The following PRRC2B variants were observed in gnomAD, a reference collection of about 807,000 sequenced individuals.
PRRC2B encodes protein PRRC2B.
Under a neutral mutation model 242.3 loss-of-function variants are expected in PRRC2B, and 68 were observed. The ratio of observed to expected loss-of-function variants is 0.28; its 90% CI spans 0.23 to 0.34. PRRC2B has a LOEUF of 0.34. Ranked by LOEUF, PRRC2B falls within the 10% of genes least tolerant of loss-of-function variation. PRRC2B has a pLI of 1.00. For synonymous variants in PRRC2B, 1,228 were observed against 1,173.6 expected (o/e 1.05, Z -0.95); for missense variants, 2,835 against 2,954.8 (o/e 0.96, Z 0.94).
intron 14 of PRRC2B, among the ~76,000 whole-genome samples, chr9:131,472,246 T>C (rs1030112568): frequency 1.3e-4 from 20 of 152,224 alleles, no homozygotes; most frequent in Admixed American, 6.5e-5. Flanking sequence ...TTTACCACTC[T>C]GAAAGTCTAT....
At chr9:131,405,753 G>A (rs549969720) in intron 1 of PRRC2B, among the ~76,000 whole-genome samples, 63 of 152,258 alleles carry the variant, frequency 4.1e-4, no homozygotes, top group African/African-American at 1.5e-3. Context: ...TTCAGAGAGA[G>A]CTCGCTGGGA....
intron 1 of PRRC2B, among the ~76,000 whole-genome samples, chr9:131,420,876 G>C (rs957605205): frequency 2.0e-5 from 3 of 152,064 alleles, no homozygotes; most frequent in Non-Finnish European, 4.4e-5. Flanking sequence ...TGAGGCAGCA[G>C]AAGTGTCCCC....
Position 131,459,282 on chromosome 9 carries a change from G to C in PRRC2B, c.1330G>C (p.Val444Leu), listed in dbSNP as rs1355111865. 7 of 1,613,976 alleles carry C rather than the reference G, an allele frequency of 4.3e-6. No homozygotes were observed. The highest frequency in any genetic ancestry group is 5.1e-6 in the Non-Finnish European group (6 of 1,179,882). ...GGCTGAAGCAGTGGGTGCGTCCCGT[G>C]TGGTCCGAAAGGCGCCAGACCCTCA... is the stretch of plus-strand genomic sequence containing the variant. ...DWAEAVGASR[V>L]VRKAPDPQPP... Residue 444 changes from valine (V) to leucine (L), a missense_variant, in exon 11 of 32, where the codon GTG (valine) becomes CTG (leucine). Val to Leu is a conservative substitution (Grantham distance 32, BLOSUM62 1). Transcript: ENST00000683519.
intron 28 of PRRC2B, chr9:131,490,824 T>C (rs1264956398): frequency 3.2e-6 from 1 of 308,906 alleles, no homozygotes. Flanking sequence ...ATACGTCCGA[T>C]GCAGCTTTCA....
Position 131,470,960 on chromosome 9 carries a change from A to T in PRRC2B, c.2084A>T (p.Tyr695Phe). 1.9e-6 allele frequency: 3 copies of T among 1,609,040 alleles called. No individual in the cohort carries two copies. Among genetic ancestry groups the T allele is most frequent in the Non-Finnish European group, 2.5e-6 (3 of 1,177,934 alleles). ...CCCACTCGGACCCCGGTGGACTTCT[A>T]CCCCTCCGCCCTGCATCCCTCAGGT... ...ITPTRTPVDF[Y>F]PSALHPSGLM... The change falls in exon 14 of 32, where the codon TAC (tyrosine) becomes TTC (phenylalanine). Residue 695 changes from tyrosine (Y) to phenylalanine (F), a missense_variant. By Grantham distance (22) the Tyr-to-Phe change is conservative (BLOSUM62 3). Around this residue, in one of 7 missense-constraint regions of PRRC2B, gnomAD observed 1,536 missense variants for 1,483.1 expected, o/e 1.04. Transcript: ENST00000683519.
intron 1 of PRRC2B, among the ~76,000 whole-genome samples, chr9:131,406,313 G>A (rs937048190): frequency 1.2e-4 from 18 of 152,212 alleles, no homozygotes; most frequent in Admixed American, 1.0e-3. Flanking sequence ...TCTCCACAAT[G>A]AACACCACTG....
At chr9:131,447,458 A>T (rs775505805) in intron 8 of PRRC2B, among the ~76,000 whole-genome samples, 11 of 152,134 alleles carry the variant, frequency 7.2e-5, no homozygotes, top group Non-Finnish European at 1.3e-4. Flanking sequence ...GGCCTTAGCA[A>T]CCAGCATGTA....
chr9:131,430,527 A>C (rs1030491942), intron 2 of PRRC2B, among the ~76,000 whole-genome samples: 3 of 121,942 alleles, frequency 2.5e-5, no homozygotes, highest in Non-Finnish European at 3.6e-5. Context: ...AGATAGATAG[A>C]TATCTATCTA....
chr9:131,379,725 A>G (rs1836731869), intron 1 of PRRC2B, among the ~76,000 whole-genome samples: 1 of 142,230 alleles, frequency 7.0e-6, no homozygotes, highest in African/African-American at 2.6e-5. Context: ...TCCTGGGTTT[A>G]AGCAATTCTC....
At position 131,475,466 on chromosome 9, in the gene PRRC2B, C is replaced by T. The variant is rs1477876456; in HGVS notation, c.3337C>T (p.Arg1113Ter). ...SQRSGRGRGL[R>*]EFARPEDCPR... ...GCGCAGCGGCCGTGGCCGGGGCCTG[C>T]GAGAGTTTGCGCGGCCAGAGGACTG... Residue 1113 changes from arginine to a stop codon, truncating the protein, a stop_gained, in exon 16 of 32, where the codon CGA (arginine) becomes TGA (stop). Coordinates refer to ENST00000683519, the MANE Select transcript of PRRC2B (RefSeq NM_013318.4). LOFTEE classifies it high-confidence loss of function. 4 of 1,587,416 alleles carry T rather than the reference C, an allele frequency of 2.5e-6. No homozygotes were observed. Among genetic ancestry groups the T allele is most frequent in the Admixed American group, 1.8e-5 (1 of 55,968 alleles).
At chr9:131,453,670 T>C (rs1279056276) in intron 9 of PRRC2B, among the ~76,000 whole-genome samples, 1 of 152,178 alleles carries the variant, frequency 6.6e-6, no homozygotes, top group Admixed American at 6.5e-5. Context: ...TAGCTGGGAC[T>C]ACAGGTGTGC....
intron 1 of PRRC2B, among the ~76,000 whole-genome samples, chr9:131,423,536 T>TG (rs1490266261): frequency 6.6e-6 from 1 of 152,238 alleles, no homozygotes; most frequent in African/African-American, 2.4e-5. Context: ...AGCCGGTCAG[T>TG]GGAGATCCCT....
At chr9:131,451,010 A>T (rs1390203851) in intron 9 of PRRC2B, among the ~76,000 whole-genome samples, 1 of 152,194 alleles carries the variant, frequency 6.6e-6, no homozygotes, top group East Asian at 1.9e-4. Context: ...TGTTAAATTT[A>T]TTCTCAGGCA....
chr9:131,432,666 G>A lies in PRRC2B; in HGVS notation c.165G>A (p.Arg55=), dbSNP rs555679524. 8.1e-6 allele frequency: 13 copies of A among 1,614,044 alleles called. No homozygotes were observed. The South Asian group carries it at 1.4e-4, about 18-fold the overall frequency. Residue 55 remains arginine, a synonymous_variant, in exon 3 of 32, where the codon CGG becomes CGA. Coordinates refer to ENST00000683519, the MANE Select transcript of PRRC2B (RefSeq NM_013318.4). The part of the protein sequence containing the change: ...LQSLGKVAAA[R]RMPPPANLPS... ...GTCTTGGGAAAGTTGCTGCAGCCCG[G>A]CGCATGCCACCGCCTGCAAACCTGC...
intron 8 of PRRC2B, 145 bp from the exon 9 acceptor site, chr9:131,447,517 C>T (rs1425430417): frequency 5.4e-6 from 5 of 929,566 alleles, no homozygotes; most frequent in Admixed American, 3.0e-5. Flanking sequence ...CTCGTTTGCT[C>T]ATTATATATT....
At chr9:131,433,043 C>T (rs180946053) in intron 3 of PRRC2B, among the ~76,000 whole-genome samples, 461 of 152,320 alleles carry the variant, frequency 3.0e-3, no homozygotes, top group Non-Finnish European at 4.5e-3. Context: ...CTGTGGACAA[C>T]CTTGTCCCCA....
rs748227471 is a variant in PRRC2B, at chr9:131,475,122, C to T, written c.2993C>T (p.Ser998Phe). The change falls in exon 16 of 32, where the codon TCC (serine) becomes TTC (phenylalanine). Residue 998 changes from serine to phenylalanine, a missense_variant. Physicochemically the swap from Ser to Phe is radical, Grantham distance 155. Coordinates refer to ENST00000683519, the MANE Select transcript of PRRC2B (RefSeq NM_013318.4). ...GAGAACGATGCCTCTCTGGCCAACT[C>T]CTCCACCACCACTTTGGAGGACAAA... ...DEENDASLAN[S>F]STTTLEDKGP... 12 of 1,612,128 alleles carry T rather than the reference C, an allele frequency of 7.4e-6. No homozygotes were observed. The Admixed American group carries it at 1.2e-4, about 16-fold the overall frequency.
chr9:131,462,009 T>C (rs1943255344), intron 11 of PRRC2B, among the ~76,000 whole-genome samples: 2 of 152,198 alleles, frequency 1.3e-5, no homozygotes, highest in African/African-American at 4.8e-5. Context: ...TATTCTGCAG[T>C]TAATCCACAT....
intron 11 of PRRC2B, among the ~76,000 whole-genome samples, chr9:131,462,018 AT>A: frequency 6.6e-6 from 1 of 151,932 alleles, no homozygotes; most frequent in Non-Finnish European, 1.5e-5. Flanking sequence ...GTTAATCCAC[AT>A]TTTCATTCAC....
Sources: allele counts gnomAD v4.1 joint callset (sites outside exome capture counted in the v4.1 genomes callset), GRCh38; gene constraint gnomAD v4.1.1; regional missense constraint gnomAD v4.1.1; transcripts MANE v1.5; gene names NCBI Gene and HGNC (gene_info 2026-07-23, HGNC 2026-07-21).